The following SYT1 variants were observed in gnomAD, a reference collection of about 807,000 sequenced individuals.
SYT1 encodes the protein synaptotagmin-1.
In SYT1, 8 loss-of-function variants were observed where a neutral mutation model predicts 44.8. That is an observed-to-expected ratio of 0.18 (90% CI 0.10 to 0.32). The LOEUF is 0.32. SYT1 is among the 10% of genes least tolerant of loss of function. SYT1 has a pLI of 1.00. For missense variants in SYT1, 286 were observed against 509.3 expected, an observed-to-expected ratio of 0.56 and a Z score of 4.22; for synonymous variants, 154 against 188.8, an observed-to-expected ratio of 0.82 and a Z score of 1.51.
intron 6 of SYT1, among the ~76,000 whole-genome samples, chr12:79,295,549 T>G (rs1879838710): frequency 6.6e-6 from 1 of 152,164 alleles, no homozygotes; most frequent in African/African-American, 2.4e-5. Context: ...CCAGTGAAGG[T>G]CAAATATAAT....
intron 9 of SYT1, among the ~76,000 whole-genome samples, chr12:79,388,102 A>AAAAC (rs1319304688): frequency 1.3e-5 from 2 of 152,218 alleles, no homozygotes; most frequent in Non-Finnish European, 2.9e-5. Context: ...TTGTTCAATT[A>AAAAC]AAACAGAAGG....
At chr12:79,396,927 A>G (rs1465529766) in intron 9 of SYT1, among the ~76,000 whole-genome samples, 1 of 152,232 alleles carries the variant, frequency 6.6e-6, no homozygotes, top group East Asian at 1.9e-4. Context: ...AGGTAAATGA[A>G]GGGGTGGACT....
intron 8 of SYT1, among the ~76,000 whole-genome samples, chr12:79,304,454 A>G (rs1880296055): frequency 6.6e-6 from 1 of 152,192 alleles, no homozygotes; most frequent in Non-Finnish European, 1.5e-5. Flanking sequence ...ACAGATGCTT[A>G]GCAAAATCAA....
chr12:79,444,529 C>T (rs1377659214), intron 10 of SYT1, among the ~76,000 whole-genome samples: 1 of 152,136 alleles, frequency 6.6e-6, no homozygotes, highest in African/African-American at 2.4e-5. Context: ...TGAGCTTTCA[C>T]TATTTACTCC....
At chr12:78,967,127 A>G (rs1192043296) in intron 1 of SYT1, among the ~76,000 whole-genome samples, 3 of 152,148 alleles carry the variant, frequency 2.0e-5, no homozygotes, top group African/African-American at 7.2e-5. Context: ...AATTTAACAA[A>G]TATTTATTAA....
At chr12:79,064,784 T>C (rs1255093132) in intron 3 of SYT1, among the ~76,000 whole-genome samples, 1 of 151,136 alleles carries the variant, frequency 6.6e-6, no homozygotes, top group African/African-American at 2.4e-5. Flanking sequence ...AACAACTAAC[T>C]ATTCTGCACC....
chr12:79,003,774 A>G (rs1392371358), intron 2 of SYT1, among the ~76,000 whole-genome samples: 2 of 151,976 alleles, frequency 1.3e-5, no homozygotes, highest in Non-Finnish European at 2.9e-5. Context: ...ACATAATTCT[A>G]TAGAAACTAC....
At chr12:78,955,132 G>A (rs11112049) in intron 1 of SYT1, among the ~76,000 whole-genome samples, 10,708 of 152,052 alleles carry the variant, frequency 0.07, 462 homozygotes, top group East Asian at 0.15. Context: ...CATTAATGCC[G>A]TTTCATTTTG....
intron 3 of SYT1, among the ~76,000 whole-genome samples, chr12:79,153,463 A>G (rs1450398810): frequency 6.6e-6 from 1 of 152,166 alleles, no homozygotes; most frequent in Non-Finnish European, 1.5e-5. Context: ...CCCTAATGCA[A>G]TCTATGTTAT....
At chr12:78,967,906 C>G (rs1234590044) in intron 1 of SYT1, among the ~76,000 whole-genome samples, 3 of 151,978 alleles carry the variant, frequency 2.0e-5, no homozygotes, top group Admixed American at 2.0e-4. Flanking sequence ...GACACGGAAC[C>G]AAAATTTTGA....
intron 6 of SYT1, among the ~76,000 whole-genome samples, chr12:79,295,413 T>G (rs1389171995): frequency 6.6e-6 from 1 of 152,176 alleles, no homozygotes; most frequent in African/African-American, 2.4e-5. Flanking sequence ...AAACCTCACC[T>G]CTAATCTCCC....
intron 4 of SYT1, among the ~76,000 whole-genome samples, chr12:79,221,304 T>C (rs949454068): frequency 1.3e-5 from 2 of 152,186 alleles, no homozygotes; most frequent in Admixed American, 6.5e-5. Flanking sequence ...TTATTCTGTA[T>C]GTCCTTACAG....
chr12:79,407,413 C>T (rs1033254014), intron 9 of SYT1, among the ~76,000 whole-genome samples: 8 of 152,066 alleles, frequency 5.3e-5, no homozygotes, highest in South Asian at 4.1e-4. Context: ...ACCATGCCTT[C>T]GTCTCACTTC....
At chr12:79,391,531 T>C (rs1884656195) in intron 9 of SYT1, among the ~76,000 whole-genome samples, 1 of 152,198 alleles carries the variant, frequency 6.6e-6, no homozygotes. Flanking sequence ...ACACAGTCCA[T>C]AGGTCATTAA....
chr12:79,390,935 T>C (rs2136093328), intron 9 of SYT1, among the ~76,000 whole-genome samples: 1 of 152,284 alleles, frequency 6.6e-6, no homozygotes, highest in East Asian at 1.9e-4. Flanking sequence ...GCTCTCTAAC[T>C]CATCCTGGAG....
intron 2 of SYT1, among the ~76,000 whole-genome samples, chr12:79,039,592 T>A (rs901307572): frequency 6.6e-6 from 1 of 151,400 alleles, no homozygotes; most frequent in African/African-American, 2.4e-5. Context: ...CCACATTTTT[T>A]ATTTTTTTAT....
At chr12:78,890,010 C>T (rs953070491) in intron 1 of SYT1, among the ~76,000 whole-genome samples, 25 of 151,864 alleles carry the variant, frequency 1.6e-4, no homozygotes, top group African/African-American at 6.0e-4. Flanking sequence ...GTACAGTTTG[C>T]ATCTGGGCCT....
At chr12:79,446,033 ATT>A (rs1491420747) in intron 10 of SYT1, among the ~76,000 whole-genome samples, 6 of 112,940 alleles carry the variant, frequency 5.3e-5, no homozygotes, top group Middle Eastern at 5.5e-3. Flanking sequence ...ATATATATAT[ATT>A]ATGCCTAGGT....
At chr12:78,972,549 A>G (rs953086373) in intron 1 of SYT1, among the ~76,000 whole-genome samples, 1 of 151,266 alleles carries the variant, frequency 6.6e-6, no homozygotes, top group Non-Finnish European at 1.5e-5. Context: ...ATATATATAT[A>G]TATATTTATG....
Sources: allele counts gnomAD v4.1 joint callset (sites outside exome capture counted in the v4.1 genomes callset), GRCh38; gene constraint gnomAD v4.1.1; transcripts MANE v1.5; gene names NCBI Gene and HGNC (gene_info 2026-07-23, HGNC 2026-07-21).